The following C3orf20 variants were observed in gnomAD, a reference collection of about 807,000 sequenced individuals.
C3orf20 encodes family with sequence similarity 149 member C.
C3orf20 carries 76 observed loss-of-function variants against 88.3 expected under a neutral mutation model. That is an observed-to-expected ratio of 0.86 (90% CI 0.72 to 1.04). The LOEUF (loss-of-function observed/expected upper bound fraction) is 1.04, where lower values mean the gene tolerates loss of function less well. Among genes scored for constraint, C3orf20 ranks in the 50% least tolerant of loss-of-function variants. The probability of loss-of-function intolerance (pLI) is 0.00; values close to 1 mark genes in which losing one functional copy is unlikely to be tolerated. For missense variants in C3orf20, 1,056 were observed against 1,123.3 expected (o/e 0.94, Z 0.86); for synonymous variants, 436 against 437.4 (o/e 1.00, Z 0.04).
In C3orf20 at chr3:14,770,590, A is replaced by G. The variant is rs62239893; in HGVS notation, c.2496-1477A>G. On this transcript the variant is annotated intron_variant, in intron 15 of 16. Coordinates refer to ENST00000253697, the MANE Select transcript of C3orf20 (RefSeq NM_032137.5). Reference sequence around the variant, plus strand: ...CTGTCCCCAGCCCAGCCTTAGCCACATACTCCCAGAGCTACCTCAAGCCCC... The same window carrying G: ...CTGTCCCCAGCCCAGCCTTAGCCACGTACTCCCAGAGCTACCTCAAGCCCC... 3.9e-3 allele frequency among the ~76,000 whole-genome samples: 596 copies of G among 152,198 alleles called. 1 individual carries two copies. The highest frequency in any genetic ancestry group is 5.1e-3 in the Non-Finnish European group (346 of 68,000).
intron 5 of C3orf20, among the ~76,000 whole-genome samples, chr3:14,700,290 G>A (rs541931834): frequency 6.6e-6 from 1 of 151,970 alleles, no homozygotes; most frequent in Non-Finnish European, 1.5e-5. Flanking sequence ...TGTTCCTATG[G>A]GGAGAACAAT....
In C3orf20 at chr3:14,707,820, C is replaced by CTTTTTTTT. The variant is rs60474912; in HGVS notation, c.1160+3211_1160+3218dup. On this transcript the variant is annotated intron_variant, in intron 7 of 16. Transcript: ENST00000253697. ...ATAACATTTACCCCTGTGTTTTCCT[C>CTTTTTTTT]TTTTTTTTTTTTTTTTGAGACAGAG... Among the ~76,000 whole-genome samples, 69 of 122,092 alleles carry CTTTTTTTT rather than the reference C, an allele frequency of 5.7e-4. 7 individuals are homozygous for CTTTTTTTT. Among genetic ancestry groups the CTTTTTTTT allele is most frequent in the African/African-American group, 7.3e-4 (23 of 31,536 alleles). The allele number at this position is 122,092 out of a possible 152,430, so 80.1% of individuals were successfully genotyped here. A position where few individuals can be genotyped will look rare whatever the true frequency, so the allele number is the denominator to read the frequency against.
Position 14,678,353 on chromosome 3 carries a change from C to T in C3orf20, c.-299+3101C>T, listed in dbSNP as rs115721935. Among the ~76,000 whole-genome samples the T allele has an allele frequency of 6.5e-3, 994 of 152,306 alleles. 11 individuals are homozygous for T. The highest frequency in any genetic ancestry group is 0.023 in the African/African-American group (954 of 41,564). On this transcript the variant is annotated intron_variant, in intron 1 of 16. Coordinates refer to ENST00000253697, the MANE Select transcript of C3orf20 (RefSeq NM_032137.5). ...GGCTCAAGGTCACATTGCCTAAACA[C>T]ACATTCATGTGACGTGAGAACCTTA...
At chr3:14,696,602 T>A (rs1253628043) in intron 5 of C3orf20, among the ~76,000 whole-genome samples, 1 of 151,904 alleles carries the variant, frequency 6.6e-6, no homozygotes, top group Non-Finnish European at 1.5e-5. Context: ...GATCTCGAAC[T>A]CCTGACCTCA....
At chr3:14,738,541 T>A (rs935783423) in intron 12 of C3orf20, among the ~76,000 whole-genome samples, 4 of 150,846 alleles carry the variant, frequency 2.7e-5, no homozygotes, top group Non-Finnish European at 5.9e-5. Context: ...CCATGTTAGC[T>A]AGGATGGTCT....
chr3:14,704,737 G>T, intron 7 of C3orf20, 119 bp downstream of exon 7: 1 of 1,189,038 alleles, frequency 8.4e-7, no homozygotes, highest in Non-Finnish European at 1.2e-6. Flanking sequence ...GCCTGGTGAT[G>T]GGTCTCCTGG....
At chr3:14,680,305 A>G (rs147832316) in intron 1 of C3orf20, among the ~76,000 whole-genome samples, 433 of 152,358 alleles carry the variant, frequency 2.8e-3, no homozygotes, top group African/African-American at 9.9e-3. Context: ...CATACAGTGG[A>G]ATATTACTCT....
intron 5 of C3orf20, among the ~76,000 whole-genome samples, chr3:14,690,870 G>A (rs1229382230): frequency 6.6e-6 from 1 of 152,234 alleles, no homozygotes; most frequent in Non-Finnish European, 1.5e-5. Context: ...AGGCTGTCCA[G>A]ATGACTCCCA....
At position 14,683,875 on chromosome 3, in the gene C3orf20, C is replaced by CAAA. The variant is rs966127219; in HGVS notation, c.485-349_485-347dup. ...TGGGTGATAGAGCGAGACTCCATCT[C>CAAA]AAAAAAAAAAAAAAAAAAAAGAACC... On this transcript the variant is annotated intron_variant, in intron 3 of 16. Transcript: ENST00000253697. 6.0e-3 allele frequency among the ~76,000 whole-genome samples: 496 copies of CAAA among 83,156 alleles called. 10 individuals carry two copies. Among genetic ancestry groups the CAAA allele is most frequent in the African/African-American group, 0.021 (442 of 21,396 alleles). The allele number at this position is 83,156 out of a possible 152,430, so 54.6% of individuals were successfully genotyped here.
chr3:14,743,901 G>T (rs1477260887), intron 12 of C3orf20, among the ~76,000 whole-genome samples: 1 of 151,984 alleles, frequency 6.6e-6, no homozygotes, highest in Admixed American at 6.5e-5. Flanking sequence ...CCTGGGCCCA[G>T]CCCACGAAAC....
intron 5 of C3orf20, among the ~76,000 whole-genome samples, chr3:14,692,006 T>G (rs778362900): frequency 9.8e-5 from 15 of 152,382 alleles, no homozygotes; most frequent in Non-Finnish European, 1.8e-4. Context: ...TGCCTTTCTG[T>G]GTCTGGCTTA....
chr3:14,723,108 A>G (rs1430458371), intron 10 of C3orf20, among the ~76,000 whole-genome samples: 1 of 152,220 alleles, frequency 6.6e-6, no homozygotes, highest in Non-Finnish European at 1.5e-5. Context: ...GAAATTGTAA[A>G]TGGCACTATG....
chr3:14,741,881 T>G (rs1026981066), intron 12 of C3orf20, among the ~76,000 whole-genome samples: 1 of 152,160 alleles, frequency 6.6e-6, no homozygotes, highest in African/African-American at 2.4e-5. Context: ...ATTTCTAGGG[T>G]AGAGGTAGTA....
intron 12 of C3orf20, among the ~76,000 whole-genome samples, chr3:14,744,481 A>T (rs574511504): frequency 6.6e-6 from 1 of 151,760 alleles, no homozygotes; most frequent in African/African-American, 2.4e-5. Flanking sequence ...AACTGTTCCA[A>T]CCTTTGTCTG....
At chr3:14,718,978 A>G (rs2034043427) in intron 9 of C3orf20, among the ~76,000 whole-genome samples, 1 of 152,236 alleles carries the variant, frequency 6.6e-6, no homozygotes, top group Non-Finnish European at 1.5e-5. Context: ...TCTGCAGGCC[A>G]GAAAGATGGT....
intron 12 of C3orf20, among the ~76,000 whole-genome samples, chr3:14,745,647 A>G (rs1238071867): frequency 6.6e-6 from 1 of 152,230 alleles, no homozygotes; most frequent in Non-Finnish European, 1.5e-5. Context: ...AGATGAAATT[A>G]TTAGACCAAG....
chr3:14,707,306 A>G (rs576160517), intron 7 of C3orf20, among the ~76,000 whole-genome samples: 4 of 151,552 alleles, frequency 2.6e-5, no homozygotes, highest in East Asian at 1.9e-4. Context: ...GCTGTAAGCT[A>G]TAATTGATTA....
In C3orf20 at chr3:14,728,288, A is replaced by G. The variant is rs937377717; in HGVS notation, c.1691-151A>G. On this transcript the variant is annotated intron_variant, in intron 11 of 16. Transcript: ENST00000253697. ...CACTGGGACAGGAGTACTGTATTGGACAGCAGAGGGGAGGTGCCGGAGAAT... is the reference window on the plus strand; with the variant it reads ...CACTGGGACAGGAGTACTGTATTGGGCAGCAGAGGGGAGGTGCCGGAGAAT... The G allele has an allele frequency of 3.1e-5, 26 of 833,124 alleles. No individual in the cohort carries two copies. The African/African-American group carries it at 3.4e-4, about 11-fold the overall frequency. The allele number at this position is 833,124 out of a possible 1,614,324, so 51.6% of individuals were successfully genotyped here.
rs372349689 is a variant in C3orf20 at position 14,685,110 on chromosome 3, A to G, written c.625+728A>G. On this transcript the variant is annotated intron_variant, in intron 4 of 16. Coordinates refer to ENST00000253697, the MANE Select transcript of C3orf20 (RefSeq NM_032137.5). ...TTATCAACAAGAGAAAAAGATATAAATTAAGGTCCATTTAGACAGTGGGAC... is the reference window on the plus strand; with the variant it reads ...TTATCAACAAGAGAAAAAGATATAAGTTAAGGTCCATTTAGACAGTGGGAC... Among the ~76,000 whole-genome samples, 16 of 152,372 alleles carry G rather than the reference A, an allele frequency of 1.1e-4. No individual in the cohort carries two copies. In the East Asian group the frequency reaches 2.7e-3, roughly 26 times the overall value.
Sources: gnomAD v4.1 joint callset for allele counts (sites outside exome capture counted in the v4.1 genomes callset) on GRCh38, gnomAD v4.1.1 for gene constraint, MANE v1.5 for transcripts, NCBI Gene and HGNC (gene_info 2026-07-23, HGNC 2026-07-21) for gene names.